The following WDFY3 variants were observed in gnomAD, a reference collection of about 807,000 sequenced individuals.
The protein encoded by WDFY3 is WD repeat and FYVE domain-containing protein 3.
WDFY3 carries 66 observed loss-of-function variants against 409.6 expected under a neutral mutation model. The observed-to-expected ratio is 0.16, with a 90% CI of 0.13 to 0.20. The LOEUF (loss-of-function observed/expected upper bound fraction) is 0.20, where lower values mean the gene tolerates loss of function less well. WDFY3 is among the 10% of genes least tolerant of loss of function. WDFY3 has a pLI of 1.00. For synonymous variants in WDFY3, 1,521 were observed against 1,537.1 expected (o/e 0.99, Z 0.25); for missense variants, 3,031 against 4,298.1 (o/e 0.71, Z 8.24).
intron 25 of WDFY3, among the ~76,000 whole-genome samples, chr4:84,782,320 GA>G (rs1214060928): frequency 6.6e-6 from 1 of 151,950 alleles, no homozygotes; most frequent in Non-Finnish European, 1.5e-5. Flanking sequence ...AAAGTTACAC[GA>G]AATTATATAG....
chr4:84,742,911 A>G (rs1246998157), intron 37 of WDFY3, among the ~76,000 whole-genome samples: 1 of 152,134 alleles, frequency 6.6e-6, no homozygotes, highest in Non-Finnish European at 1.5e-5. Context: ...TTCTCACCTA[A>G]TGCTAAATTG....
chr4:84,858,940 A>C (rs1417798435), intron 4 of WDFY3, among the ~76,000 whole-genome samples: 1 of 152,058 alleles, frequency 6.6e-6, no homozygotes, highest in African/African-American at 2.4e-5. Context: ...AAAGACAGTG[A>C]TGGAGAAGAG....
Position 84,688,179 on chromosome 4 carries a change from G to C in WDFY3, c.9450C>G (p.Thr3150=), listed in dbSNP as rs377155899. 1 of 1,614,032 alleles carries C rather than the reference G, an allele frequency of 6.2e-7. No individual in the cohort carries two copies. The highest frequency in any genetic ancestry group is 1.3e-5 in the African/African-American group (1 of 74,924). Residue 3150 remains threonine (T), a synonymous_variant, in exon 62 of 68, where the codon ACC becomes ACG. Transcript: ENST00000295888. ...HIIVSGSRDR[T]CIIWDLNKLS... ...GTTTGTTCAAATCCCAAATGATACAGGTTCGATCACGGGACCCACTGACAA... is the reference window on the plus strand; with the variant it reads ...GTTTGTTCAAATCCCAAATGATACACGTTCGATCACGGGACCCACTGACAA...
chr4:84,795,599 T>TA (rs1259965761), intron 19 of WDFY3, among the ~76,000 whole-genome samples: 1 of 152,072 alleles, frequency 6.6e-6, no homozygotes, highest in African/African-American at 2.4e-5. Flanking sequence ...CCATCTCCAC[T>TA]AAAAATACAA....
chr4:84,902,571 C>T (rs1766482354), intron 2 of WDFY3, among the ~76,000 whole-genome samples: 1 of 152,122 alleles, frequency 6.6e-6, no homozygotes, highest in Admixed American at 6.5e-5. Context: ...TTTACATGGT[C>T]ATCAAAGAGA....
In WDFY3 at chr4:84,962,351, T is replaced by G. The variant is rs139181198; in HGVS notation, c.-226+3858A>C. Among the ~76,000 whole-genome samples the G allele has an allele frequency of 2.8e-3, 429 of 152,266 alleles. 1 individual carries two copies. Among genetic ancestry groups the G allele is most frequent in the African/African-American group, 9.8e-3 (408 of 41,542 alleles). On this transcript the variant is annotated intron_variant, in intron 1 of 67. Coordinates refer to ENST00000295888, the MANE Select transcript of WDFY3 (RefSeq NM_014991.6). ...ACAAAATACTGACACATGTAACAAC[T>G]TAATAAATATCAAGCATTACGCTAA...
At chr4:84,760,265 C>G (rs1479170123) in intron 32 of WDFY3, among the ~76,000 whole-genome samples, 1 of 151,966 alleles carries the variant, frequency 6.6e-6, no homozygotes, top group African/African-American at 2.4e-5. Context: ...CTAAAGTTCT[C>G]TTTTTTGGTT....
At chr4:84,833,083 C>T in intron 7 of WDFY3, among the ~76,000 whole-genome samples, 1 of 151,822 alleles carries the variant, frequency 6.6e-6, no homozygotes, top group Non-Finnish European at 1.5e-5. Flanking sequence ...CTCAAGACTT[C>T]TTAAGTACTG....
intron 38 of WDFY3, among the ~76,000 whole-genome samples, chr4:84,740,629 T>TA (rs898937252): frequency 9.3e-5 from 14 of 150,510 alleles, no homozygotes; most frequent in African/African-American, 2.7e-4. Context: ...GAGGGCTACA[T>TA]AAAAAAAAAG....
intron 30 of WDFY3, 66 bp downstream of exon 30, chr4:84,772,769 G>A (rs1313289237): frequency 9.3e-6 from 12 of 1,288,942 alleles, no homozygotes; most frequent in Admixed American, 2.1e-5. Flanking sequence ...TCTAATTTGG[G>A]CCAGAAGAAA....
intron 2 of WDFY3, among the ~76,000 whole-genome samples, chr4:84,906,650 T>C (rs1420450161): frequency 6.6e-5 from 10 of 152,214 alleles, no homozygotes; most frequent in African/African-American, 2.2e-4. Context: ...ATGCACATTT[T>C]CCTGTATACT....
rs1239519802 is a variant in WDFY3, at chr4:84,841,137, G to A, written c.414+17C>T. The A allele has an allele frequency of 2.5e-6, 4 of 1,576,990 alleles. No individual in the cohort carries two copies. The highest frequency in any genetic ancestry group is 3.4e-6 in the Non-Finnish European group (4 of 1,167,220). ...ATAAAGACGCTGAGTTATCAAACAT[G>A]AAAACTAAGAACTTACCTGACCAGA... On this transcript the variant is annotated intron_variant, in intron 6 of 67. Transcript: ENST00000295888.
At chr4:84,906,260 A>C (rs1003601740) in intron 2 of WDFY3, among the ~76,000 whole-genome samples, 2 of 152,196 alleles carry the variant, frequency 1.3e-5, no homozygotes, top group Non-Finnish European at 2.9e-5. Flanking sequence ...AAGTATACAA[A>C]TATAACTCAG....
intron 3 of WDFY3, among the ~76,000 whole-genome samples, chr4:84,891,093 T>C (rs1764889466): frequency 6.6e-6 from 1 of 152,178 alleles, no homozygotes; most frequent in African/African-American, 2.4e-5. Context: ...CAGGCCATAG[T>C]TTGCCACCCT....
chr4:84,789,668 C>G, intron 22 of WDFY3, 58 bp downstream of exon 22: 1 of 1,082,734 alleles, frequency 9.2e-7, no homozygotes, highest in Non-Finnish European at 1.3e-6. Flanking sequence ...CACACACACA[C>G]ACCCCCCAAA....
At chr4:84,753,630 T>C in intron 35 of WDFY3, 67 bp downstream of exon 35, 11 of 1,455,142 alleles carry the variant, frequency 7.6e-6, no homozygotes, top group Non-Finnish European at 9.1e-6. Context: ...TGCTAACCAT[T>C]GAAACAGACT....
chr4:84,850,916 TTTTA>T (rs1366000888), intron 4 of WDFY3, among the ~76,000 whole-genome samples: 6 of 145,928 alleles, frequency 4.1e-5, no homozygotes, highest in South Asian at 2.1e-4. Flanking sequence ...TTATTTTTAA[TTTTA>T]TTTATCTGTT....
chr4:84,834,840 G>A (rs368489698), intron 7 of WDFY3, among the ~76,000 whole-genome samples: 3 of 152,142 alleles, frequency 2.0e-5, no homozygotes, highest in South Asian at 4.1e-4. Context: ...TAATACAAAC[G>A]TAGGGATTGC....
intron 53 of WDFY3, 99 bp downstream of exon 53, chr4:84,708,810 G>T: frequency 7.4e-7 from 1 of 1,347,916 alleles, no homozygotes; most frequent in Non-Finnish European, 1.0e-6. Flanking sequence ...CAAAGTGCTA[G>T]GATTTTAGGG....
Sources: gnomAD v4.1 joint callset for allele counts (sites outside exome capture counted in the v4.1 genomes callset) on GRCh38, gnomAD v4.1.1 for gene constraint, MANE v1.5 for transcripts, NCBI Gene and HGNC (gene_info 2026-07-23, HGNC 2026-07-21) for gene names.